The following TUSC3 variants were observed in gnomAD, a reference collection of about 807,000 sequenced individuals.
The protein encoded by TUSC3 is tumor suppressor candidate 3.
Under a neutral mutation model 44.8 loss-of-function variants are expected in TUSC3, and 45 were observed. That is an observed-to-expected ratio of 1.00 (90% CI 0.79 to 1.29). The LOEUF is 1.29. Ranked by LOEUF, TUSC3 falls within the 50% of genes most tolerant of loss-of-function variation. The pLI, the probability that TUSC3 is intolerant of heterozygous loss-of-function variation, is 0.00. For synonymous variants in TUSC3, 212 were observed against 152.9 expected (o/e 1.39, Z -2.85); for missense variants, 519 against 437.9 (o/e 1.19, Z -1.65).
chr8:15,691,639 G>A (rs1404518809), intron 6 of TUSC3, among the ~76,000 whole-genome samples: 1 of 152,190 alleles, frequency 6.6e-6, no homozygotes, highest in Non-Finnish European at 1.5e-5. Context: ...GATGTTGGCA[G>A]TGGGTTTTTC....
intron 3 of TUSC3, among the ~76,000 whole-genome samples, chr8:15,654,765 C>T (rs916558441): frequency 6.6e-6 from 1 of 151,944 alleles, no homozygotes; most frequent in African/African-American, 2.4e-5. Flanking sequence ...CCATTGCCCT[C>T]CAGCCTGGGT....
At chr8:15,477,937 T>A (rs1211193108) in intron 1 of TUSC3, among the ~76,000 whole-genome samples, 1 of 152,104 alleles carries the variant, frequency 6.6e-6, no homozygotes, top group African/African-American at 2.4e-5. Flanking sequence ...AGAAATTTTC[T>A]TTTTTAAAAA....
At chr8:15,718,687 T>A (rs1296256041) in intron 6 of TUSC3, among the ~76,000 whole-genome samples, 1 of 152,150 alleles carries the variant, frequency 6.6e-6, no homozygotes, top group Non-Finnish European at 1.5e-5. Context: ...TGGTGACCTC[T>A]TTAATTTTCA....
the TUSC3 span, among the ~76,000 whole-genome samples, chr8:15,823,779 C>T: frequency 6.3e-5 from 9 of 143,232 alleles, no homozygotes; most frequent in African/African-American, 2.3e-4. Flanking sequence ...CTAAATCAAA[C>T]AGAGACTGGC....
intron 2 of TUSC3, among the ~76,000 whole-genome samples, chr8:15,503,189 C>A (rs930184502): frequency 6.6e-6 from 1 of 152,032 alleles, no homozygotes; most frequent in Non-Finnish European, 1.5e-5. Flanking sequence ...CTTAATCTAA[C>A]ATGACAGATG....
Position 15,661,958 on chromosome 8 carries a change from G to T in TUSC3, c.568-198G>T, listed in dbSNP as rs532749362. 5.3e-5 allele frequency among the ~76,000 whole-genome samples: 8 copies of T among 152,100 alleles called. No homozygotes were observed. In the East Asian group the frequency reaches 1.5e-3, roughly 29 times the overall value. Reference sequence around the variant, plus strand: ...CAGCATTGTTAGTCATCAGGGAAGTGCAAAGTCGTTTTACATAGCCATTAT... The same window carrying T: ...CAGCATTGTTAGTCATCAGGGAAGTTCAAAGTCGTTTTACATAGCCATTAT... On this transcript the variant is annotated intron_variant, in intron 4 of 10. Coordinates refer to ENST00000503731, the MANE Select transcript of TUSC3 (RefSeq NM_006765.4).
intron 2 of TUSC3, among the ~76,000 whole-genome samples, chr8:15,500,935 A>C (rs1800955629): frequency 6.6e-6 from 1 of 152,198 alleles, no homozygotes; most frequent in Non-Finnish European, 1.5e-5. Context: ...AAATTCTTAC[A>C]AGGTATAACA....
At chr8:15,440,854 C>CT (rs1410540786) in intron 1 of TUSC3, among the ~76,000 whole-genome samples, 2 of 152,104 alleles carry the variant, frequency 1.3e-5, no homozygotes, top group Non-Finnish European at 2.9e-5. Context: ...GTTGGAGATG[C>CT]TAGCAACTGC....
chr8:15,703,655 G>A (rs999625403), intron 6 of TUSC3, among the ~76,000 whole-genome samples: 4 of 152,068 alleles, frequency 2.6e-5, no homozygotes, highest in Non-Finnish European at 5.9e-5. Flanking sequence ...CCAAAGTTAT[G>A]GGGAGCCAGC....
intron 2 of TUSC3, among the ~76,000 whole-genome samples, chr8:15,529,324 CA>C (rs1186056843): frequency 6.6e-6 from 1 of 151,932 alleles, no homozygotes; most frequent in Non-Finnish European, 1.5e-5. Flanking sequence ...AGATCATATG[CA>C]AAGGCTTTTG....
intron 7 of TUSC3, among the ~76,000 whole-genome samples, chr8:15,735,750 A>G (rs1417041619): frequency 1.3e-5 from 2 of 152,138 alleles, no homozygotes; most frequent in Admixed American, 1.3e-4. Flanking sequence ...CCCAGGCTGG[A>G]GTGCAGTGGC....
At position 15,523,854 on chromosome 8, in the gene TUSC3, G is replaced by A. The variant is rs182291072; in HGVS notation, n.189+40371G>A. 2.5e-3 allele frequency among the ~76,000 whole-genome samples: 371 copies of A among 151,152 alleles called. 3 individuals carry two copies. The highest frequency in any genetic ancestry group is 8.4e-3 in the African/African-American group (346 of 41,102). On this transcript the variant is annotated intron_variant and non_coding_transcript_variant, in intron 2 of 5. Coordinates refer to the TUSC3 transcript ENST00000503191. ...AGGCAGATCATGAGGTCAAGAAATC[G>A]AGACCATCCTCGCCAACATGGTGAA...
intron 1 of TUSC3, among the ~76,000 whole-genome samples, chr8:15,476,657 C>T (rs889138835): frequency 1.3e-5 from 2 of 152,126 alleles, no homozygotes; most frequent in Non-Finnish European, 2.9e-5. Flanking sequence ...AAGAATGAAG[C>T]AACAAAAGCA....
chr8:15,444,537 G>A (rs557773880), intron 1 of TUSC3, among the ~76,000 whole-genome samples: 3 of 152,126 alleles, frequency 2.0e-5, no homozygotes, highest in African/African-American at 4.8e-5. Flanking sequence ...GGAAGATGAC[G>A]AACCTGATCA....
chr8:15,687,715 A>G (rs919733027), intron 6 of TUSC3, among the ~76,000 whole-genome samples: 1 of 152,202 alleles, frequency 6.6e-6, no homozygotes, highest in African/African-American at 2.4e-5. Context: ...TGTGATTTGT[A>G]CCCTTACTTC....
chr8:15,576,591 T>G (rs1803126729), intron 1 of TUSC3, among the ~76,000 whole-genome samples: 2 of 146,914 alleles, frequency 1.4e-5, no homozygotes, highest in African/African-American at 2.6e-5. Flanking sequence ...GATAGTTTAC[T>G]GAGAATGATG....
rs1377273673 is a variant in TUSC3 at position 15,764,781 on chromosome 8, C to A, written c.*625C>A. On this transcript the variant is annotated 3_prime_UTR_variant, in exon 11 of 11. Transcript: ENST00000503731. ...AAGGACTAGAGCTCCTTCTTGAGATCTAAATCTAAAGTAAATGTGCATTAA... is the reference window on the plus strand; with the variant it reads ...AAGGACTAGAGCTCCTTCTTGAGATATAAATCTAAAGTAAATGTGCATTAA... The A allele has an allele frequency of 6.6e-6, 1 of 152,450 alleles. No individual in the cohort carries two copies. The highest frequency in any genetic ancestry group is 6.5e-5 in the Admixed American group (1 of 15,296). The allele number at this position is 152,450 out of a possible 1,614,324, so 9.4% of individuals were successfully genotyped here. A position where few individuals can be genotyped will look rare whatever the true frequency, so the allele number is the denominator to read the frequency against.
intron 1 of TUSC3, among the ~76,000 whole-genome samples, chr8:15,450,693 A>AGT (rs1247506928): frequency 3.3e-5 from 5 of 152,210 alleles, no homozygotes; most frequent in Non-Finnish European, 7.3e-5. Context: ...TAAAAATAAT[A>AGT]AAAGTATACA....
At chr8:15,482,064 G>T (rs956828612) in intron 1 of TUSC3, among the ~76,000 whole-genome samples, 4 of 152,196 alleles carry the variant, frequency 2.6e-5, no homozygotes, top group Admixed American at 6.5e-5. Flanking sequence ...TCTCAACAAT[G>T]TTCATAGCTT....
Sources: allele counts gnomAD v4.1 joint callset (sites outside exome capture counted in the v4.1 genomes callset), GRCh38; gene constraint gnomAD v4.1.1; transcripts MANE v1.5; gene names NCBI Gene and HGNC (gene_info 2026-07-23, HGNC 2026-07-21).